UTP20: variants seen among roughly 807,000 people sequenced by gnomAD.
UTP20 encodes the protein UTP20 small subunit processome component, also known as small subunit processome component 20 homolog.
In UTP20, 164 loss-of-function variants were observed where a neutral mutation model predicts 329.5. The ratio of observed to expected loss-of-function variants is 0.50; its 90% CI spans 0.44 to 0.57. The LOEUF (loss-of-function observed/expected upper bound fraction) is 0.57. Ranked by LOEUF, UTP20 falls within the 20% of genes least tolerant of loss-of-function variation. The probability of loss-of-function intolerance (pLI) is 0.00; values close to 1 mark genes in which losing one functional copy is unlikely to be tolerated. For synonymous variants in UTP20, 1,151 were observed against 1,159.3 expected, an observed-to-expected ratio of 0.99 and a Z score of 0.14; for missense variants, 3,055 against 3,284.2, an observed-to-expected ratio of 0.93 and a Z score of 1.71.
Position 101,381,199 on chromosome 12 carries a change from T to A in UTP20, c.7644T>A (p.Ser2548=), listed in dbSNP as rs1480846275. The A allele has an allele frequency of 6.2e-7, 1 of 1,613,442 alleles. No individual in the cohort carries two copies. The highest frequency in any genetic ancestry group is 8.5e-7 in the Non-Finnish European group (1 of 1,179,470). The change falls in exon 58 of 62, where the codon TCT becomes TCA. Residue 2548 remains serine, a synonymous_variant. Coordinates refer to ENST00000261637, the MANE Select transcript of UTP20 (RefSeq NM_014503.3). ...TGCATTCCAAATTCTTGGATCAGTC[T>A]CTAGGAGAACAGGTAAGAATTGTAG... ...HQLHSKFLDQ[S]LGEQVVKNLL... is the part of the protein sequence containing the mutation.
rs1872318968 is a variant in UTP20, at chr12:101,295,527, T to G, written c.1299T>G (p.Ile433Met). The G allele has an allele frequency of 6.8e-6, 11 of 1,611,848 alleles. No individual in the cohort carries two copies. In the East Asian group the frequency reaches 2.5e-4, roughly 36 times the overall value. Residue 433 changes from isoleucine (I) to methionine (M), a missense_variant, in exon 12 of 62, where the codon ATT becomes ATG. Ile to Met is a conservative substitution (Grantham distance 10). This residue lies in a region of UTP20 where 2,445 missense variants were observed against 2,575.5 expected (regional missense o/e 0.95). Transcript: ENST00000261637. The stretch of plus-strand genomic sequence containing the variant: ...CATATATTGTGAATTGCTTCTTAAT[T>G]GATGATGCTGTAGTCAAAGATGAAG... ...FLSYIVNCFL[I>M]DDAVVKDEAL...
At chr12:101,374,744 T>C in intron 54 of UTP20, 64 bp from the exon 55 acceptor site, 1 of 787,774 alleles carries the variant, frequency 1.3e-6, no homozygotes, top group East Asian at 2.4e-5. Context: ...CCACCTTTAT[T>C]TTACAGTTTC....
intron 22 of UTP20, 117 bp downstream of exon 22, chr12:101,317,780 A>T: frequency 8.8e-7 from 1 of 1,141,060 alleles, no homozygotes; most frequent in Non-Finnish European, 1.2e-6. Context: ...TAAGCGCTAC[A>T]TCTTCCTGGG....
intron 11 of UTP20, among the ~76,000 whole-genome samples, chr12:101,293,446 G>A (rs547697374): frequency 6.6e-6 from 1 of 152,202 alleles, no homozygotes; most frequent in Admixed American, 6.5e-5. Flanking sequence ...GGTAGTTACA[G>A]AACCGTGTGG....
intron 21 of UTP20, among the ~76,000 whole-genome samples, chr12:101,313,133 G>C (rs1872847331): frequency 6.6e-6 from 1 of 152,150 alleles, no homozygotes; most frequent in Admixed American, 6.5e-5. Context: ...GTGAGAGTCT[G>C]ATTGTATTAA....
chr12:101,308,414 G>A, intron 18 of UTP20, 71 bp downstream of exon 18: 1 of 1,001,672 alleles, frequency 1.0e-6, no homozygotes, highest in South Asian at 4.0e-5. Flanking sequence ...AGCACATCAA[G>A]TAGTCACCAA....
intron 17 of UTP20, 127 bp from the exon 18 acceptor site, chr12:101,308,058 C>A: frequency 2.5e-6 from 2 of 806,932 alleles, no homozygotes; most frequent in Non-Finnish European, 1.7e-6. Context: ...AAAAGTGTTA[C>A]TTATTTCATT....
At chr12:101,335,066 T>G (rs1868890172) in intron 29 of UTP20, among the ~76,000 whole-genome samples, 1 of 151,626 alleles carries the variant, frequency 6.6e-6, no homozygotes, top group Admixed American at 6.6e-5. Context: ...TGAAATGAAA[T>G]AGAAACTGTC....
intron 14 of UTP20, 52 bp from the exon 15 acceptor site, chr12:101,302,396 A>T: frequency 9.0e-7 from 1 of 1,107,052 alleles, no homozygotes; most frequent in Non-Finnish European, 1.3e-6. Flanking sequence ...TTTGATAGTT[A>T]ATAATGTCAA....
chr12:101,330,036 T>G (rs1273532695), intron 27 of UTP20, among the ~76,000 whole-genome samples: 1 of 150,328 alleles, frequency 6.7e-6, no homozygotes, highest in African/African-American at 2.4e-5. Flanking sequence ...GACATTAAAA[T>G]AGTTATTATA....
rs761186850 is a variant in UTP20 at position 101,371,159 on chromosome 12, G to A, written c.6789G>A (p.Gln2263=). The A allele has an allele frequency of 6.2e-7, 1 of 1,613,298 alleles. No homozygotes were observed. The highest frequency in any genetic ancestry group is 8.5e-7 in the Non-Finnish European group (1 of 1,179,554). ...CACAAAGCGAACCTGCCAGGGTCCAGTGTAGACAGGTTTGTAGAGAGCACT... is the reference window on the plus strand; with the variant it reads ...CACAAAGCGAACCTGCCAGGGTCCAATGTAGACAGGTTTGTAGAGAGCACT... ...VSAQSEPARV[Q]CRQVFLKYIL... is the part of the protein sequence containing the mutation. Residue 2263 remains glutamine, a synonymous_variant, in exon 51 of 62, where the codon CAG becomes CAA. Transcript: ENST00000261637.
chr12:101,358,113 G>A (rs1049544768), intron 43 of UTP20, among the ~76,000 whole-genome samples: 33 of 152,186 alleles, frequency 2.2e-4, no homozygotes, highest in African/African-American at 8.0e-4. Context: ...TTGTTGATGG[G>A]TAAGGTTCCT....
chr12:101,345,007 G>A (rs999651899), intron 36 of UTP20, among the ~76,000 whole-genome samples: 9 of 134,584 alleles, frequency 6.7e-5, no homozygotes, highest in East Asian at 2.4e-4. Context: ...CTACAGTGGC[G>A]TGATCTTGGC....
chr12:101,368,514 A>G (rs1034313312), intron 48 of UTP20, among the ~76,000 whole-genome samples: 1 of 151,886 alleles, frequency 6.6e-6, no homozygotes, highest in Non-Finnish European at 1.5e-5. Flanking sequence ...CAATTTACTA[A>G]TTCTATAAAT....
At chr12:101,280,744 G>A (rs1165883102) in intron 1 of UTP20, among the ~76,000 whole-genome samples, 1 of 152,150 alleles carries the variant, frequency 6.6e-6, no homozygotes, top group Admixed American at 6.5e-5. Context: ...TCTTCCTTAG[G>A]ATACAATCAT....
chr12:101,295,756 G>A, intron 12 of UTP20, 98 bp downstream of exon 12: 1 of 1,281,664 alleles, frequency 7.8e-7, no homozygotes, highest in Non-Finnish European at 1.0e-6. Flanking sequence ...TATGTAACAG[G>A]AAAGATGTCC....
chr12:101,368,077 G>A (rs1229279706), intron 48 of UTP20, 101 bp downstream of exon 48: 3 of 814,086 alleles, frequency 3.7e-6, no homozygotes, highest in Non-Finnish European at 5.9e-6. Flanking sequence ...AGCTTTATGA[G>A]ATGATTGAGG....
chr12:101,363,545 A>G (rs1392930814), intron 44 of UTP20, 31 bp from the exon 45 acceptor site: 10 of 1,600,088 alleles, frequency 6.2e-6, no homozygotes, highest in Middle Eastern at 1.7e-4. Context: ...CTGAGTGCAT[A>G]TAATTGCCAT....
In UTP20 at chr12:101,376,177, G is replaced by T. The variant is rs371041075; in HGVS notation, c.7396+421G>T. Among the ~76,000 whole-genome samples, 11 of 152,140 alleles carry T rather than the reference G, an allele frequency of 7.2e-5. No homozygotes were observed. In the South Asian group the frequency reaches 1.2e-3, roughly 17 times the overall value. On this transcript the variant is annotated intron_variant, in intron 56 of 61. Coordinates refer to ENST00000261637, the MANE Select transcript of UTP20 (RefSeq NM_014503.3). Reference sequence around the variant, plus strand: ...AGGCATAGGGTTTTTTTGAGAGGTTGCTTAGTTCCATATAAACTTTGATAT... The same window carrying T: ...AGGCATAGGGTTTTTTTGAGAGGTTTCTTAGTTCCATATAAACTTTGATAT...
Sources: allele counts gnomAD v4.1 joint callset (sites outside exome capture counted in the v4.1 genomes callset), GRCh38; gene constraint gnomAD v4.1.1; regional missense constraint gnomAD v4.1.1; transcripts MANE v1.5; gene names NCBI Gene and HGNC (gene_info 2026-07-23, HGNC 2026-07-21).